The following ACSS1 variants were observed in gnomAD, a reference collection of about 807,000 sequenced individuals.
ACSS1 encodes acetyl-coenzyme A synthetase 2-like, mitochondrial.
Under a neutral mutation model 75.3 loss-of-function variants are expected in ACSS1, and 42 were observed. That is an observed-to-expected ratio of 0.56 (90% CI 0.44 to 0.72). The LOEUF is 0.72. Ranked by LOEUF, ACSS1 falls within the 30% of genes least tolerant of loss-of-function variation. The pLI is 0.00. For synonymous variants in ACSS1, 380 were observed against 376.8 expected (o/e 1.01, Z -0.10); for missense variants, 782 against 935.7 (o/e 0.84, Z 2.14).
chr20:25,022,768 GC>G (rs970299803), intron 5 of ACSS1, among the ~76,000 whole-genome samples, 171 bp downstream of exon 5: 6 of 152,250 alleles, frequency 3.9e-5, no homozygotes, highest in African/African-American at 1.2e-4. Flanking sequence ...GGCAGCCAGG[GC>G]CCTGAGGAGC....
Position 25,048,076 on chromosome 20 carries a change from G to A in ACSS1, c.431+9C>T, listed in dbSNP as rs1354228683. 1 of 1,613,044 alleles carries A rather than the reference G, an allele frequency of 6.2e-7. No individual in the cohort carries two copies. The highest frequency in any genetic ancestry group is 8.5e-7 in the Non-Finnish European group (1 of 1,179,536). Reference sequence around the variant, plus strand: ...TCCCTCGCACCTTGAACATTCGAGGGCACAGTACCTGTAGGTGATCCTCAC... The same window carrying A: ...TCCCTCGCACCTTGAACATTCGAGGACACAGTACCTGTAGGTGATCCTCAC... On this transcript the variant is annotated intron_variant, in intron 2 of 13. Transcript: ENST00000323482.
chr20:25,026,549 C>T (rs2088722585), intron 3 of ACSS1, among the ~76,000 whole-genome samples: 1 of 152,258 alleles, frequency 6.6e-6, no homozygotes, highest in Non-Finnish European at 1.5e-5. Flanking sequence ...TCAAGTCAAC[C>T]TGACTAATGT....
chr20:25,031,063 C>T (rs2088816188), intron 2 of ACSS1, 105 bp from the exon 3 acceptor site: 3 of 1,165,006 alleles, frequency 2.6e-6, no homozygotes, highest in Non-Finnish European at 3.7e-6. Flanking sequence ...ATACATCCAG[C>T]CCAGTGCCAG....
intron 8 of ACSS1, among the ~76,000 whole-genome samples, chr20:25,014,766 G>A (rs1411142811): frequency 6.6e-6 from 1 of 152,182 alleles, no homozygotes. Context: ...CTCATCAGAT[G>A]TTCCCCTGTT....
intron 3 of ACSS1, among the ~76,000 whole-genome samples, chr20:25,028,674 CG>C (rs1172956012): frequency 6.6e-6 from 1 of 152,174 alleles, no homozygotes; most frequent in Non-Finnish European, 1.5e-5. Context: ...AGAAAACATA[CG>C]AACAGGGAGG....
intron 1 of ACSS1, among the ~76,000 whole-genome samples, chr20:25,055,187 C>G (rs1374389769): frequency 6.6e-6 from 1 of 152,218 alleles, no homozygotes; most frequent in Non-Finnish European, 1.5e-5. Context: ...CCCCATCGGG[C>G]CCTGTCCAAA....
At chr20:25,008,500 G>A (rs757222009) in intron 13 of ACSS1, among the ~76,000 whole-genome samples, 1 of 152,164 alleles carries the variant, frequency 6.6e-6, no homozygotes, top group African/African-American at 2.4e-5. Context: ...GGGTGAGTCC[G>A]GGTCTCCTGA....
intron 3 of ACSS1, among the ~76,000 whole-genome samples, chr20:25,027,117 T>C (rs752002180): frequency 1.1e-4 from 16 of 152,218 alleles, no homozygotes; most frequent in Non-Finnish European, 1.9e-4. Flanking sequence ...GTATGTGACC[T>C]TAGGTAAGTC....
chr20:25,009,415 G>A (rs1366043596), intron 12 of ACSS1, 27 bp from the exon 13 acceptor site: 11 of 1,583,446 alleles, frequency 6.9e-6, no homozygotes, highest in Middle Eastern at 1.7e-4. Context: ...GTTTGGGGAT[G>A]TATTAAATAC....
At chr20:25,054,815 T>C (rs2089221191) in intron 1 of ACSS1, among the ~76,000 whole-genome samples, 1 of 152,232 alleles carries the variant, frequency 6.6e-6, no homozygotes, top group Admixed American at 6.5e-5. Context: ...CACACAAAAA[T>C]GGAGTCACTC....
intron 2 of ACSS1, among the ~76,000 whole-genome samples, chr20:25,040,647 G>A (rs1305119183): frequency 6.6e-6 from 1 of 152,176 alleles, no homozygotes; most frequent in Admixed American, 6.5e-5. Flanking sequence ...TATTTCCACC[G>A]CTGATTCTCG....
chr20:25,015,335 G>C (rs2088497667), intron 7 of ACSS1, 105 bp from the exon 8 acceptor site: 3 of 920,682 alleles, frequency 3.3e-6, no homozygotes, highest in Admixed American at 2.5e-5. Flanking sequence ...CTTTGAGACT[G>C]AGTCTCACTC....
At chr20:25,034,182 C>T (rs1258821424) in intron 2 of ACSS1, among the ~76,000 whole-genome samples, 2 of 152,164 alleles carry the variant, frequency 1.3e-5, no homozygotes, top group Admixed American at 6.5e-5. Context: ...ACATTCTGGC[C>T]TACAGCAGTC....
intron 13 of ACSS1, 141 bp downstream of exon 13, chr20:25,009,129 C>T (rs1033685193): frequency 2.6e-6 from 2 of 780,840 alleles, no homozygotes; most frequent in Admixed American, 4.1e-5. Context: ...CCATCCTCAC[C>T]ACCAGCCAGG....
intron 11 of ACSS1, 37 bp from the exon 12 acceptor site, chr20:25,012,701 G>C: frequency 6.2e-7 from 1 of 1,614,044 alleles, no homozygotes. Context: ...AAAATGTGGC[G>C]GCCCCGGGTG....
chr20:25,035,330 T>G (rs983467181), intron 2 of ACSS1, among the ~76,000 whole-genome samples: 1 of 152,100 alleles, frequency 6.6e-6, no homozygotes, highest in East Asian at 1.9e-4. Flanking sequence ...GCCATGGAAA[T>G]GTTTTGTGTT....
chr20:25,009,333 C>T lies in ACSS1; in HGVS notation c.1827G>A (p.Val609=), dbSNP rs1448246607. Residue 609 remains valine (V), a synonymous_variant, in exon 13 of 14, where the codon GTG becomes GTA. Coordinates refer to ENST00000323482, the MANE Select transcript of ACSS1 (RefSeq NM_032501.4). ...TGGCCACCATGGACTTGAGCTCCTGCACCACCACATCTGAGTCACCCGCAC... is the reference window on the plus strand; with the variant it reads ...TGGCCACCATGGACTTGAGCTCCTGTACCACCACATCTGAGTCACCCGCAC... ...KDSAGDSDVV[V]QELKSMVATK... The T allele has an allele frequency of 1.2e-6, 2 of 1,614,098 alleles. No individual in the cohort carries two copies. The highest frequency in any genetic ancestry group is 1.7e-6 in the Non-Finnish European group (2 of 1,180,046).
chr20:25,032,457 C>T, intron 2 of ACSS1: 2 of 1,347,996 alleles, frequency 1.5e-6, no homozygotes, highest in Middle Eastern at 1.9e-4. Context: ...CTGGACCTGG[C>T]AATTGCATTA....
chr20:25,007,454 C>T lies in ACSS1; in HGVS notation c.*308G>A. On this transcript the variant is annotated 3_prime_UTR_variant, in exon 14 of 14. Coordinates refer to ENST00000323482, the MANE Select transcript of ACSS1 (RefSeq NM_032501.4). The stretch of plus-strand genomic sequence containing the variant: ...GCGCGCTATCCCAGGGCCTCACCTT[C>T]CTGTGCTGGCTCAAGAGGGCAGAGG... 1 of 1,206,916 alleles carries T rather than the reference C, an allele frequency of 8.3e-7. No homozygotes were observed. The highest frequency in any genetic ancestry group is 1.0e-6 in the Non-Finnish European group (1 of 966,834). 74.8% of individuals were successfully genotyped at this position (1,206,916 alleles called of 1,614,324 possible). A position where few individuals can be genotyped will look rare whatever the true frequency, so the allele number is the denominator to read the frequency against.
Sources: gnomAD v4.1 joint callset for allele counts (sites outside exome capture counted in the v4.1 genomes callset) on GRCh38, gnomAD v4.1.1 for gene constraint, MANE v1.5 for transcripts, NCBI Gene and HGNC (gene_info 2026-07-23, HGNC 2026-07-21) for gene names.